The following MTUS2 variants were observed in gnomAD, a reference collection of about 807,000 sequenced individuals.
MTUS2 encodes the protein microtubule associated scaffold protein 2.
Under a neutral mutation model 114.1 loss-of-function variants are expected in MTUS2, and 40 were observed. That is an observed-to-expected ratio of 0.35 (90% CI 0.27 to 0.46). The LOEUF is 0.46. Among genes scored for constraint, MTUS2 ranks in the 20% least tolerant of loss-of-function variants. MTUS2 has a pLI of 1.00. For synonymous variants in MTUS2, 688 were observed against 672.0 expected (o/e 1.02, Z -0.37); for missense variants, 1,679 against 1,705.4 (o/e 0.98, Z 0.27).
rs1443587455 is a variant in MTUS2, at chr13:29,389,525, ATATG to A, written c.3117+30056_3117+30059del. On this transcript the variant is annotated intron_variant, in intron 8 of 15. Coordinates refer to ENST00000612955, the MANE Select transcript of MTUS2 (RefSeq NM_001033602.4). ...TGTATACACGTGTGTGTATGTGTAT[ATATG>A]TATACACGTGTGTATATGTATACAC... 3.0e-4 allele frequency among the ~76,000 whole-genome samples: 9 copies of A among 29,832 alleles called. 3 individuals carry two copies. Among genetic ancestry groups the A allele is most frequent in the African/African-American group, 4.8e-4 (9 of 18,586 alleles). The allele number at this position is 29,832 out of a possible 152,430, so 19.6% of individuals were successfully genotyped here. A position where few individuals can be genotyped will look rare whatever the true frequency, so the allele number is the denominator to read the frequency against.
intron 5 of MTUS2, among the ~76,000 whole-genome samples, chr13:29,128,016 C>T (rs946158568): frequency 4.6e-5 from 7 of 152,032 alleles, no homozygotes; most frequent in East Asian, 1.9e-4. Context: ...TGATGTGATG[C>T]GTAATGGAGG....
intron 9 of MTUS2, among the ~76,000 whole-genome samples, chr13:29,445,024 A>G (rs187541353): frequency 9.9e-5 from 15 of 152,212 alleles, no homozygotes; most frequent in South Asian, 2.1e-4. Context: ...CTGCCCATTT[A>G]TACCTTCCCA....
intron 5 of MTUS2, among the ~76,000 whole-genome samples, chr13:29,220,117 T>G (rs1895849903): frequency 6.6e-6 from 1 of 152,048 alleles, no homozygotes; most frequent in South Asian, 2.1e-4. Context: ...TGCCTTAGCC[T>G]CCCAAGTAGC....
chr13:29,398,468 A>T (rs9578096), intron 8 of MTUS2, among the ~76,000 whole-genome samples: 50 of 125,046 alleles, frequency 4.0e-4, no homozygotes, highest in Non-Finnish European at 7.1e-4. Flanking sequence ...TCTCAAAATT[A>T]AAAAAAAAAA....
At chr13:29,300,248 C>T (rs1309456768) in intron 6 of MTUS2, among the ~76,000 whole-genome samples, 4 of 152,090 alleles carry the variant, frequency 2.6e-5, no homozygotes, top group African/African-American at 9.7e-5. Context: ...ATATTAAGCC[C>T]CCTGTAGGCT....
intron 5 of MTUS2, among the ~76,000 whole-genome samples, chr13:29,141,541 G>T (rs931135703): frequency 6.6e-6 from 1 of 152,148 alleles, no homozygotes; most frequent in Non-Finnish European, 1.5e-5. Flanking sequence ...ACCTCATGGA[G>T]CCCCATGACG....
intron 2 of MTUS2, among the ~76,000 whole-genome samples, chr13:28,980,988 G>A (rs1202094303): frequency 1.3e-5 from 2 of 152,228 alleles, no homozygotes; most frequent in African/African-American, 4.8e-5. Context: ...CTTAATGTTA[G>A]CTTTGCTGAC....
chr13:29,061,621 C>A (rs1391820208), intron 4 of MTUS2, among the ~76,000 whole-genome samples: 2 of 152,106 alleles, frequency 1.3e-5, no homozygotes, highest in Non-Finnish European at 2.9e-5. Flanking sequence ...TTCAACTTAC[C>A]ATGATGGACA....
intron 7 of MTUS2, 116 bp from the exon 8 acceptor site, chr13:29,359,146 C>T (rs193014780): frequency 3.0e-5 from 29 of 977,048 alleles, no homozygotes; most frequent in African/African-American, 5.0e-5. Flanking sequence ...AATGACAAAC[C>T]GTGGGCAATT....
intron 6 of MTUS2, among the ~76,000 whole-genome samples, chr13:29,293,457 A>G (rs1226257022): frequency 2.0e-5 from 3 of 152,180 alleles, no homozygotes; most frequent in African/African-American, 4.8e-5. Context: ...CAGCGTTGGT[A>G]AGAATGTGGT....
chr13:29,077,857 A>G (rs939087145), intron 4 of MTUS2, among the ~76,000 whole-genome samples: 3 of 152,230 alleles, frequency 2.0e-5, no homozygotes, highest in African/African-American at 7.2e-5. Flanking sequence ...TTAAAACGCT[A>G]TGATTTTAGT....
chr13:28,993,604 G>A (rs1341228974), intron 2 of MTUS2, among the ~76,000 whole-genome samples: 2 of 152,090 alleles, frequency 1.3e-5, no homozygotes, highest in Non-Finnish European at 2.9e-5. Context: ...AAAGGTAGGG[G>A]TCCAGTTTCA....
At chr13:29,333,390 T>A (rs150369353) in intron 7 of MTUS2, among the ~76,000 whole-genome samples, 6,147 of 152,038 alleles carry the variant, frequency 0.04, 372 homozygotes, top group African/African-American at 0.14. Context: ...AGAGATGGGG[T>A]TTCTCCATGT....
chr13:29,364,466 A>G (rs776950436), intron 8 of MTUS2, among the ~76,000 whole-genome samples: 50 of 152,320 alleles, frequency 3.3e-4, no homozygotes, highest in Admixed American at 6.5e-4. Flanking sequence ...TGATTGCTCT[A>G]GCATGGATTG....
intron 2 of MTUS2, among the ~76,000 whole-genome samples, chr13:28,941,512 T>C (rs1455824313): frequency 6.6e-6 from 1 of 152,108 alleles, no homozygotes; most frequent in Non-Finnish European, 1.5e-5. Flanking sequence ...GCAAAATTTG[T>C]CTTAAAATTT....
chr13:29,169,848 A>G (rs1201102403), intron 5 of MTUS2, among the ~76,000 whole-genome samples: 1 of 152,208 alleles, frequency 6.6e-6, no homozygotes, highest in African/African-American at 2.4e-5. Flanking sequence ...CGAGTTGCAG[A>G]CAAGCCTAGG....
chr13:29,151,318 A>G (rs1232820856), intron 5 of MTUS2, among the ~76,000 whole-genome samples: 4 of 152,112 alleles, frequency 2.6e-5, no homozygotes, highest in Non-Finnish European at 5.9e-5. Context: ...GTGGGATTGT[A>G]TTATTGATTT....
At chr13:29,010,977 CAGAG>C (rs1566290168) in intron 2 of MTUS2, among the ~76,000 whole-genome samples, 3 of 152,090 alleles carry the variant, frequency 2.0e-5, no homozygotes, top group African/African-American at 7.2e-5. Context: ...GACCACCTGC[CAGAG>C]AGGACGCGTT....
At chr13:29,009,791 T>C (rs1426572489) in intron 2 of MTUS2, among the ~76,000 whole-genome samples, 2 of 152,232 alleles carry the variant, frequency 1.3e-5, no homozygotes, top group African/African-American at 4.8e-5. Flanking sequence ...CTTTCTTACA[T>C]ATTTGGTCAT....
Sources: gnomAD v4.1 joint callset for allele counts (sites outside exome capture counted in the v4.1 genomes callset) on GRCh38, gnomAD v4.1.1 for gene constraint, MANE v1.5 for transcripts, NCBI Gene and HGNC (gene_info 2026-07-23, HGNC 2026-07-21) for gene names.